The following SLC29A4 variants were observed in gnomAD, a reference collection of about 807,000 sequenced individuals.
The protein encoded by SLC29A4 is equilibrative nucleoside transporter 4.
In SLC29A4, 36 loss-of-function variants were observed where a neutral mutation model predicts 43.9. That is an observed-to-expected ratio of 0.82 (90% confidence interval 0.63 to 1.08). The LOEUF is 1.08. SLC29A4 is among the 50% of genes least tolerant of loss of function. SLC29A4 has a pLI of 0.00. For synonymous variants in SLC29A4, 491 were observed against 338.0 expected, an observed-to-expected ratio of 1.45 and a Z score of -4.97; for missense variants, 869 against 755.3, an observed-to-expected ratio of 1.15 and a Z score of -1.77.
At position 5,283,017 on chromosome 7, in the gene SLC29A4, C is replaced by G. The variant is rs1784738506; in HGVS notation, c.-74C>G. 7.2e-6 allele frequency: 1 copy of G among 138,548 alleles called. No individual in the cohort carries two copies. The highest frequency in any genetic ancestry group is 1.6e-5 in the Non-Finnish European group (1 of 62,052). The allele number at this position is 138,548 out of a possible 1,614,324, so 8.6% of individuals were successfully genotyped here. A position where few individuals can be genotyped will look rare whatever the true frequency, so the allele number is the denominator to read the frequency against. ...GGCGGAGGACGCCGGGCGCGCCCGGCCCGAGGCTGGGGGAGCGGGGCGGCG... is the reference window on the plus strand; with the variant it reads ...GGCGGAGGACGCCGGGCGCGCCCGGGCCGAGGCTGGGGGAGCGGGGCGGCG... On this transcript the variant is annotated 5_prime_UTR_variant, in exon 1 of 11. Coordinates refer to ENST00000396872, the MANE Select transcript of SLC29A4 (RefSeq NM_153247.4).
At position 5,299,241 on chromosome 7, in the gene SLC29A4, C is replaced by G. The variant is rs1434461095; in HGVS notation, c.1023C>G (p.Ala341=). The G allele has an allele frequency of 1.2e-6, 2 of 1,611,238 alleles. No individual in the cohort carries two copies. Among genetic ancestry groups the G allele is most frequent in the East Asian group, 4.5e-5 (2 of 44,854 alleles). The stretch of plus-strand genomic sequence containing the variant: ...TGACCCCCGCCCGCCACCCTCCAGC[C>G]CTGTTACTGCACCGCTACGTGGTGG... The part of the protein sequence containing the change: ...RVQRSWPTFR[A]LLLHRYVVAR... Residue 341 remains alanine (A), a splice_region_variant and synonymous_variant, in exon 9 of 11, where the codon GCC becomes GCG. Transcript: ENST00000396872.
intron 7 of SLC29A4, among the ~76,000 whole-genome samples, chr7:5,298,412 C>T (rs569704267): frequency 5.9e-5 from 9 of 152,128 alleles, no homozygotes; most frequent in African/African-American, 1.4e-4. Flanking sequence ...GCAGAGAGGT[C>T]ATAGGGGACC....
At chr7:5,289,952 C>T (rs1334652430) in intron 2 of SLC29A4, among the ~76,000 whole-genome samples, 2 of 152,106 alleles carry the variant, frequency 1.3e-5, no homozygotes, top group African/African-American at 4.8e-5. Context: ...GTGGCCCAAC[C>T]TTGGCTCACT....
In SLC29A4 at chr7:5,287,992, A is replaced by G; in HGVS notation, c.169+7A>G. 6.2e-7 allele frequency: 1 copy of G among 1,604,770 alleles called. No individual in the cohort carries two copies. Among genetic ancestry groups the G allele is most frequent in the Non-Finnish European group, 8.5e-7 (1 of 1,176,628 alleles). On this transcript the variant is annotated splice_region_variant and intron_variant, in intron 2 of 10. Coordinates refer to ENST00000396872, the MANE Select transcript of SLC29A4 (RefSeq NM_153247.4). ...CCAGCTTTCACGGATACTAGTAAGTAGGCGTGCGGGCAAGGTGCGGGTCTT... is the reference window on the plus strand; with the variant it reads ...CCAGCTTTCACGGATACTAGTAAGTGGGCGTGCGGGCAAGGTGCGGGTCTT...
intron 2 of SLC29A4, among the ~76,000 whole-genome samples, chr7:5,290,002 C>T (rs973348401): frequency 6.6e-6 from 1 of 152,068 alleles, no homozygotes; most frequent in Admixed American, 6.6e-5. Context: ...TCTCCTGCCT[C>T]AGCCTCCTGA....
intron 6 of SLC29A4, among the ~76,000 whole-genome samples, chr7:5,295,933 G>GTGGCCCACCA (rs148383907): frequency 1.3e-5 from 2 of 151,716 alleles, no homozygotes; most frequent in South Asian, 2.1e-4. Flanking sequence ...CCCTCACGGG[G>GTGGCCCACCA]TGGCCCACCA....
chr7:5,296,226 T>A (rs1240370233), intron 6 of SLC29A4, among the ~76,000 whole-genome samples: 1 of 151,880 alleles, frequency 6.6e-6, no homozygotes, highest in Admixed American at 6.6e-5. Flanking sequence ...CTGCGCGCCC[T>A]CTGTTCCATT....
At chr7:5,290,961 C>T (rs1785266337) in intron 3 of SLC29A4, 98 bp downstream of exon 3, 1 of 1,541,492 alleles carries the variant, frequency 6.5e-7, no homozygotes, top group Admixed American at 1.8e-5. Flanking sequence ...ACACGGGGAC[C>T]TGTTTTATTC....
chr7:5,297,608 G>T (rs7786915), intron 7 of SLC29A4, among the ~76,000 whole-genome samples: 6 of 152,086 alleles, frequency 3.9e-5, no homozygotes, highest in African/African-American at 1.4e-4. Flanking sequence ...CCTCCTGCAG[G>T]CTCAGCCTGG....
At chr7:5,283,360 G>C (rs986000955) in intron 1 of SLC29A4, among the ~76,000 whole-genome samples, 1 of 137,922 alleles carries the variant, frequency 7.3e-6, no homozygotes, top group African/African-American at 2.6e-5. Flanking sequence ...GGGTCCTCCC[G>C]CACGAAGTTC....
chr7:5,296,900 C>T lies in SLC29A4; in HGVS notation c.620-36C>T, dbSNP rs375353638. ...GGACGGGGCGGTGCAGGGAGCTGGG[C>T]GGATCAGGCCCCGGCCCACTGTGCA... On this transcript the variant is annotated intron_variant, in intron 6 of 10. Transcript: ENST00000396872. 5.3e-5 allele frequency: 82 copies of T among 1,547,370 alleles called. 1 individual carries two copies. Among genetic ancestry groups the T allele is most frequent in the African/African-American group, 3.5e-4 (26 of 73,490 alleles).
chr7:5,296,540 G>A (rs2128090260), intron 6 of SLC29A4, among the ~76,000 whole-genome samples: 1 of 79,650 alleles, frequency 1.3e-5, no homozygotes, highest in Non-Finnish European at 2.6e-5. Flanking sequence ...AGGTGGGGTG[G>A]GGAGTGAGGG....
chr7:5,293,583 C>T (rs1307066393), intron 5 of SLC29A4, among the ~76,000 whole-genome samples: 1 of 152,086 alleles, frequency 6.6e-6, no homozygotes, highest in Non-Finnish European at 1.5e-5. Context: ...GTCAAGCCTT[C>T]GTGAACTAAT....
intron 10 of SLC29A4, among the ~76,000 whole-genome samples, chr7:5,301,493 C>G (rs1786160823): frequency 6.6e-6 from 1 of 152,052 alleles, no homozygotes; most frequent in African/African-American, 2.4e-5. Flanking sequence ...GAAAGGCATC[C>G]AGGAAGAGGG....
At position 5,299,291 on chromosome 7, in the gene SLC29A4, T is replaced by C; in HGVS notation, c.1073T>C (p.Leu358Pro). 1.2e-6 allele frequency: 2 copies of C among 1,612,022 alleles called. No homozygotes were observed. The highest frequency in any genetic ancestry group is 1.1e-5 in the South Asian group (1 of 91,000). The stretch of plus-strand genomic sequence containing the variant: ...GCGCGGGTGATCTGGGCCGACATGC[T>C]CTCCATCGCCGTGACCTACTTCATC... ...VVARVIWADM[L>P]SIAVTYFITL... is the part of the protein sequence containing the mutation. The change falls in exon 9 of 11, where the codon CTC (leucine) becomes CCC (proline). Residue 358 changes from leucine to proline, a missense_variant. Transcript: ENST00000396872.
At chr7:5,298,805 CAAG>C (rs1397657836) in intron 7 of SLC29A4, among the ~76,000 whole-genome samples, 180 bp from the exon 8 acceptor site, 4 of 152,116 alleles carry the variant, frequency 2.6e-5, no homozygotes, top group African/African-American at 7.2e-5. Flanking sequence ...CTCTCTAAAA[CAAG>C]AAAGAAATGT....
At chr7:5,297,255 G>T (rs1270413074) in intron 7 of SLC29A4, 57 bp downstream of exon 7, 1 of 1,206,204 alleles carries the variant, frequency 8.3e-7, no homozygotes, top group Admixed American at 2.7e-5. Context: ...TGTCCCCACC[G>T]CTTCGTCGGG....
intron 5 of SLC29A4, among the ~76,000 whole-genome samples, chr7:5,292,139 C>T (rs1785350788): frequency 1.3e-5 from 2 of 152,228 alleles, no homozygotes; most frequent in South Asian, 2.1e-4. Flanking sequence ...TGGCTTTGAT[C>T]TGACTTTGTC....
rs1041592553 is a variant in SLC29A4 at position 5,291,115 on chromosome 7, C to T, written c.302-9C>T. 2 of 1,613,120 alleles carry T rather than the reference C, an allele frequency of 1.2e-6. No individual in the cohort carries two copies. The highest frequency in any genetic ancestry group is 1.7e-6 in the Non-Finnish European group (2 of 1,179,548). On this transcript the variant is annotated splice_polypyrimidine_tract_variant and intron_variant, in intron 3 of 10. Transcript: ENST00000396872. ...TCCCTGAGCACCTGCTGTCTCTGGCCCTCTGCAGGGACCTCCATCGTGTTT... is the reference window on the plus strand; with the variant it reads ...TCCCTGAGCACCTGCTGTCTCTGGCTCTCTGCAGGGACCTCCATCGTGTTT...
Sources: gnomAD v4.1 joint callset for allele counts (sites outside exome capture counted in the v4.1 genomes callset) on GRCh38, gnomAD v4.1.1 for gene constraint, MANE v1.5 for transcripts, NCBI Gene and HGNC (gene_info 2026-07-23, HGNC 2026-07-21) for gene names.